The following LHX9 variants were observed in gnomAD, a reference collection of about 807,000 sequenced individuals.
The protein encoded by LHX9 is LIM/homeobox protein Lhx9.
Under a neutral mutation model 36.5 loss-of-function variants are expected in LHX9, and 9 were observed. The observed-to-expected ratio is 0.25, with a 90% confidence interval of 0.15 to 0.43. The LOEUF is 0.43. Among genes scored for constraint, LHX9 ranks in the 20% least tolerant of loss-of-function variants. The pLI is 1.00. For synonymous variants in LHX9, 211 were observed against 212.1 expected (o/e 0.99, Z 0.04); for missense variants, 464 against 526.4 (o/e 0.88, Z 1.16).
chr1:197,917,822 AT>A lies in LHX9; in HGVS notation c.-1del, dbSNP rs1659820646. On this transcript the variant is annotated 5_prime_UTR_variant, in exon 1 of 5. Coordinates refer to ENST00000367387, the MANE Select transcript of LHX9 (RefSeq NM_020204.3). ...TGAGCTGAAAGCCCCGGGCGTGTGT[AT>A]ATGGAAATAGTGGGGTGCCGAGCAG... 1 of 1,614,030 alleles carries A rather than the reference AT, an allele frequency of 6.2e-7. No individual in the cohort carries two copies. Among genetic ancestry groups the A allele is most frequent in the East Asian group, 2.2e-5 (1 of 44,854 alleles).
At position 197,921,667 on chromosome 1, in the gene LHX9, T is replaced by G. The variant is rs374228942; in HGVS notation, c.733+8T>G. On this transcript the variant is annotated splice_region_variant and intron_variant, in intron 3 of 4. Coordinates refer to ENST00000367387, the MANE Select transcript of LHX9 (RefSeq NM_020204.3). The surrounding 1 kb of genome is among the most constrained non-coding windows in gnomAD (Gnocchi z 4.6). ...TCGTCAATTACAACTCAGGTGTGCCTCCTATCCTCACCCCCGGCGCAGCCC... is the reference window on the plus strand; with the variant it reads ...TCGTCAATTACAACTCAGGTGTGCCGCCTATCCTCACCCCCGGCGCAGCCC... The G allele has an allele frequency of 1.3e-6, 2 of 1,560,302 alleles. No individual in the cohort carries two copies. Among genetic ancestry groups the G allele is most frequent in the Non-Finnish European group, 8.6e-7 (1 of 1,156,458 alleles).
rs1381393843 is a variant in LHX9 at position 197,921,127 on chromosome 1, G to T, written c.378-177G>T. 6.6e-6 allele frequency among the ~76,000 whole-genome samples: 1 copy of T among 152,074 alleles called. No individual in the cohort carries two copies. The highest frequency in any genetic ancestry group is 6.5e-5 in the Admixed American group (1 of 15,272). On this transcript the variant is annotated intron_variant, in intron 2 of 4. Transcript: ENST00000367387. The surrounding 1 kb of genome is among the most constrained non-coding windows in gnomAD (Gnocchi z 4.6). ...TCTGACTTTAATGTAAAGATCCTTT[G>T]TCTTGGTTTATCAGAAAAGGTCGAT... is the stretch of plus-strand genomic sequence containing the variant.
At chr1:197,912,634 C>T (rs975773948), upstream of LHX9, 3 of 1,417,148 alleles carry the variant, frequency 2.1e-6, no homozygotes, top group Non-Finnish European at 2.0e-6. Context: ...AGTGTGTGTG[C>T]GTGTGTGTGC....
At position 197,921,678 on chromosome 1, in the gene LHX9, C is replaced by T. The variant is rs986674627; in HGVS notation, c.733+19C>T. On this transcript the variant is annotated intron_variant, in intron 3 of 4. Transcript: ENST00000367387. The surrounding 1 kb of genome is among the most constrained non-coding windows in gnomAD (Gnocchi z 4.6). ...AACTCAGGTGTGCCTCCTATCCTCA[C>T]CCCCGGCGCAGCCCCGGCCTCCCTG... 1.7e-5 allele frequency: 26 copies of T among 1,535,238 alleles called. No homozygotes were observed. The highest frequency in any genetic ancestry group is 9.5e-5 in the African/African-American group (7 of 73,350).
At chr1:197,924,149 A>G (rs548730517) in intron 3 of LHX9, among the ~76,000 whole-genome samples, 98 of 152,346 alleles carry the variant, frequency 6.4e-4, no homozygotes, top group African/African-American at 1.9e-3. Context: ...GAAACCCTTC[A>G]GCAAATTAAA....
intron 4 of LHX9, 25 bp from the exon 5 acceptor site, chr1:197,928,977 G>A (rs1363237084): frequency 6.6e-7 from 1 of 1,517,994 alleles, no homozygotes; most frequent in Non-Finnish European, 8.9e-7. Context: ...CATCGGTAAA[G>A]AAATCAATTG....
intron 4 of LHX9, 76 bp from the exon 5 acceptor site, chr1:197,928,926 A>G (rs1164074609): frequency 2.1e-6 from 3 of 1,412,534 alleles, no homozygotes; most frequent in Non-Finnish European, 2.8e-6. Context: ...AAAAGAAAAA[A>G]AGAAAAAGTG....
intron 3 of LHX9, among the ~76,000 whole-genome samples, chr1:197,926,972 TC>T (rs1267406876): frequency 6.6e-6 from 1 of 152,192 alleles, no homozygotes; most frequent in Non-Finnish European, 1.5e-5. Flanking sequence ...TAACTTCTCC[TC>T]CTTTTTCAGC....
chr1:197,925,999 C>G (rs1364016622), intron 3 of LHX9, among the ~76,000 whole-genome samples: 5 of 152,146 alleles, frequency 3.3e-5, no homozygotes, highest in African/African-American at 1.2e-4. Flanking sequence ...CAAGTGTGTC[C>G]TCCTACTTAT....
chr1:197,916,470 G>A (rs943734854), upstream of LHX9: 23 of 573,518 alleles, frequency 4.0e-5, no homozygotes, highest in East Asian at 5.3e-4. Flanking sequence ...CCAAGCTCCC[G>A]GGAGTCCGCA....
Position 197,933,103 on chromosome 1 carries a change from A to G in LHX9, c.*3844A>G, listed in dbSNP as rs963119485. On this transcript the variant is annotated 3_prime_UTR_variant, in exon 5 of 5. Coordinates refer to ENST00000367387, the MANE Select transcript of LHX9 (RefSeq NM_020204.3). ...TAATTGTTAAAGGGAATATTTGAAG[A>G]ATAAAATTTTAGCTATTCCTATTTA... 1 of 152,020 alleles carries G rather than the reference A, an allele frequency of 6.6e-6. No individual in the cohort carries two copies. Among genetic ancestry groups the G allele is most frequent in the Admixed American group, 6.6e-5 (1 of 15,254 alleles). The allele number at this position is 152,020 out of a possible 1,614,324, so 9.4% of individuals were successfully genotyped here. A position where few individuals can be genotyped will look rare whatever the true frequency, so the allele number is the denominator to read the frequency against.
intron 1 of LHX9, chr1:197,918,456 T>C (rs369129567): frequency 1.7e-5 from 12 of 703,342 alleles, no homozygotes; most frequent in East Asian, 1.6e-4. Context: ...ACCTGTGGAG[T>C]AGATTCCGAC....
Position 197,930,262 on chromosome 1 carries a change from T to C in LHX9, c.*1003T>C, listed in dbSNP as rs1221381160. On this transcript the variant is annotated 3_prime_UTR_variant, in exon 5 of 5. Coordinates refer to ENST00000367387, the MANE Select transcript of LHX9 (RefSeq NM_020204.3). Reference sequence around the variant, plus strand: ...CTTATACCAACAATTGGTTTTGTTTTGTTTTATTTTATTTTGACATAGGTT... The same window carrying C: ...CTTATACCAACAATTGGTTTTGTTTCGTTTTATTTTATTTTGACATAGGTT... 5.7e-6 allele frequency: 1 copy of C among 174,638 alleles called. No homozygotes were observed. Among genetic ancestry groups the C allele is most frequent in the Non-Finnish European group, 1.1e-5 (1 of 88,576 alleles). The allele number at this position is 174,638 out of a possible 1,614,324, so 10.8% of individuals were successfully genotyped here. A position where few individuals can be genotyped will look rare whatever the true frequency, so the allele number is the denominator to read the frequency against.
At chr1:197,920,553 A>T (rs1469949780) in intron 2 of LHX9, among the ~76,000 whole-genome samples, 1 of 152,092 alleles carries the variant, frequency 6.6e-6, no homozygotes, top group African/African-American at 2.4e-5. Context: ...TTGAAACTGA[A>T]CTAGTGGCTC....
At chr1:197,927,567 G>A in intron 3 of LHX9, 24 bp from the exon 4 acceptor site, 3 of 1,604,792 alleles carry the variant, frequency 1.9e-6, no homozygotes, top group South Asian at 1.1e-5. Flanking sequence ...CTGAGCAGTT[G>A]TTTGTTCACT....
chr1:197,920,217 G>A (rs1166626456), intron 2 of LHX9, 43 bp downstream of exon 2: 1 of 1,585,830 alleles, frequency 6.3e-7, no homozygotes, highest in East Asian at 2.2e-5. Context: ...AGTACACCTG[G>A]AGGGGCCATC....
At chr1:197,927,203 C>T (rs977006368) in intron 3 of LHX9, among the ~76,000 whole-genome samples, 7 of 152,156 alleles carry the variant, frequency 4.6e-5, no homozygotes, top group Admixed American at 1.3e-4. Context: ...TCTTAAAACA[C>T]TGTGAGTGTG....
Position 197,921,575 on chromosome 1 carries a change from AACGG to A in LHX9, c.650_653del (p.Asn217IlefsTer65). ...CGGCGGCCTGGCCCTGCCTTACTTC[AACGG>A]TACGGGCACCGTGCAGAAAGGGCGG... On this transcript the variant is annotated frameshift_variant, in exon 3 of 5. Transcript: ENST00000367387. LOFTEE classifies it high-confidence loss of function. This position sits in a 1 kb window ranked among gnomAD's most constrained non-coding sequence, Gnocchi z 4.6. 6.2e-7 allele frequency: 1 copy of A among 1,612,396 alleles called. No homozygotes were observed. The highest frequency in any genetic ancestry group is 8.5e-7 in the Non-Finnish European group (1 of 1,179,982).
chr1:197,926,259 T>C (rs1660137780), intron 3 of LHX9, among the ~76,000 whole-genome samples: 1 of 146,838 alleles, frequency 6.8e-6, no homozygotes, highest in Non-Finnish European at 1.5e-5. Flanking sequence ...AGAGCTCACA[T>C]TAAGGGATGC....
Sources: allele counts gnomAD v4.1 joint callset (sites outside exome capture counted in the v4.1 genomes callset), GRCh38; gene constraint gnomAD v4.1.1; non-coding constraint Gnocchi (gnomAD v3.1); transcripts MANE v1.5; gene names NCBI Gene and HGNC (gene_info 2026-07-23, HGNC 2026-07-21).